CMSS1: variants seen among roughly 807,000 people sequenced by gnomAD.
The protein encoded by CMSS1 is protein CMSS1.
A neutral mutation model predicts 43.5 loss-of-function variants in CMSS1; 33 were observed. That is an observed-to-expected ratio of 0.76 (90% confidence interval 0.57 to 1.01). The LOEUF is 1.01. Ranked by LOEUF, CMSS1 falls within the 50% of genes least tolerant of loss-of-function variation. The pLI, the probability that CMSS1 is intolerant of heterozygous loss-of-function variation, is 0.00. For synonymous variants in CMSS1, 115 were observed against 117.2 expected, an observed-to-expected ratio of 0.98 and a Z score of 0.12; for missense variants, 313 against 326.4, an observed-to-expected ratio of 0.96 and a Z score of 0.32.
At chr3:100,032,833 T>A (rs1016932271) in intron 1 of CMSS1, among the ~76,000 whole-genome samples, 1 of 152,134 alleles carries the variant, frequency 6.6e-6, no homozygotes, top group Non-Finnish European at 1.5e-5. Context: ...AATGATAACA[T>A]AATTAACTAT....
At chr3:100,055,932 G>C (rs2065457008) in intron 1 of CMSS1, among the ~76,000 whole-genome samples, 1 of 152,164 alleles carries the variant, frequency 6.6e-6, no homozygotes, top group Non-Finnish European at 1.5e-5. Flanking sequence ...TTTTCTGATA[G>C]GATAGATTGT....
At chr3:100,061,072 G>T (rs1346629149) in intron 1 of CMSS1, among the ~76,000 whole-genome samples, 1 of 151,902 alleles carries the variant, frequency 6.6e-6, no homozygotes, top group African/African-American at 2.4e-5. Flanking sequence ...CTCTTAAGTG[G>T]CCAATAGATG....
chr3:99,851,686 A>C (rs775592356), intron 1 of CMSS1, among the ~76,000 whole-genome samples: 29 of 152,214 alleles, frequency 1.9e-4, no homozygotes, highest in Admixed American at 5.2e-4. Context: ...AAAGTGTTCA[A>C]TTAATGTTTG....
intron 1 of CMSS1, among the ~76,000 whole-genome samples, chr3:99,843,422 C>G (rs910729676): frequency 2.0e-5 from 3 of 152,152 alleles, no homozygotes; most frequent in Non-Finnish European, 2.9e-5. Context: ...TTCTGTTTGT[C>G]ATGCCAGCCA....
intron 1 of CMSS1, chr3:99,876,333 C>T (rs924852348): frequency 4.2e-6 from 2 of 475,412 alleles, no homozygotes; most frequent in African/African-American, 4.2e-5. Context: ...CGCGGATGTT[C>T]CGGCCGTGTG....
intron 1 of CMSS1, among the ~76,000 whole-genome samples, chr3:100,073,194 T>C (rs114789663): frequency 0.012 from 1,832 of 152,288 alleles, 24 homozygotes; most frequent in African/African-American, 0.027. Context: ...CAAATCTGGT[T>C]TGCCACCTGT....
At chr3:99,879,216 C>T (rs1705638871) in intron 1 of CMSS1, among the ~76,000 whole-genome samples, 2 of 152,098 alleles carry the variant, frequency 1.3e-5, no homozygotes, top group African/African-American at 2.4e-5. Flanking sequence ...AAGTTCATTG[C>T]TTTCTAATGC....
chr3:99,971,339 A>AC (rs989122242), intron 1 of CMSS1, among the ~76,000 whole-genome samples: 27 of 151,878 alleles, frequency 1.8e-4, no homozygotes, highest in African/African-American at 6.3e-4. Context: ...ATCTCAAAAA[A>AC]AAAAAAAAAA....
intron 1 of CMSS1, among the ~76,000 whole-genome samples, chr3:100,052,302 C>T (rs1362885499): frequency 3.9e-5 from 6 of 152,202 alleles, no homozygotes; most frequent in Admixed American, 2.0e-4. Context: ...AAAACTAATG[C>T]AGAGCAATAA....
At chr3:100,120,630 T>G (rs2066611336) in intron 1 of CMSS1, among the ~76,000 whole-genome samples, 1 of 151,400 alleles carries the variant, frequency 6.6e-6, no homozygotes, top group South Asian at 2.1e-4. Flanking sequence ...CGTTGTCCTG[T>G]CTCTGTCGCT....
chr3:99,989,397 C>T (rs1442725719), intron 1 of CMSS1, among the ~76,000 whole-genome samples: 2 of 152,220 alleles, frequency 1.3e-5, no homozygotes, highest in East Asian at 3.9e-4. Context: ...CTATCACTTC[C>T]CATTCTAGTA....
At chr3:100,141,262 T>A (rs2066802264) in intron 1 of CMSS1, among the ~76,000 whole-genome samples, 1 of 152,208 alleles carries the variant, frequency 6.6e-6, no homozygotes, top group Non-Finnish European at 1.5e-5. Context: ...CTAGAACAGC[T>A]AGCAATCATT....
intron 1 of CMSS1, chr3:100,040,460 T>G (rs911295390): frequency 1.3e-5 from 2 of 152,190 alleles, no homozygotes; most frequent in Non-Finnish European, 2.9e-5. Context: ...AGAAACAGTT[T>G]AGGTAGCATC....
chr3:100,180,042 C>G lies in CMSS1; in HGVS notation c.*1654C>G, dbSNP rs7619080. On this transcript the variant is annotated 3_prime_UTR_variant, in exon 10 of 10. Coordinates refer to ENST00000421999, the MANE Select transcript of CMSS1 (RefSeq NM_032359.4). The stretch of plus-strand genomic sequence containing the variant: ...CTCTGAAGCAATGGTTCAGCTGTAC[C>G]TTGGCCCCTTTTAGTCACAGCTGGA... 34,436 of 152,402 alleles carry G rather than the reference C, an allele frequency of 0.23. 4,059 individuals carry two copies. The highest frequency in any genetic ancestry group is 0.31 in the East Asian group (1,628 of 5,176). The allele number at this position is 152,402 out of a possible 1,614,324, so 9.4% of individuals were successfully genotyped here. A position where few individuals can be genotyped will look rare whatever the true frequency, so the allele number is the denominator to read the frequency against.
At chr3:99,909,463 G>A (rs1706722974) in intron 1 of CMSS1, among the ~76,000 whole-genome samples, 1 of 152,124 alleles carries the variant, frequency 6.6e-6, no homozygotes, top group Non-Finnish European at 1.5e-5. Context: ...GCCACCCCTT[G>A]TACAATAGTT....
intron 1 of CMSS1, among the ~76,000 whole-genome samples, chr3:99,976,066 G>A (rs1247453639): frequency 2.0e-5 from 3 of 151,986 alleles, no homozygotes; most frequent in Non-Finnish European, 4.4e-5. Context: ...TGTATTTTTA[G>A]TAGAGACGAG....
At chr3:99,983,470 A>ATATATATATATGTGTGTGTG (rs1709222618) in intron 1 of CMSS1, among the ~76,000 whole-genome samples, 1 of 9,864 alleles carries the variant, frequency 1.0e-4, no homozygotes, top group African/African-American at 3.4e-4. Flanking sequence ...GTGTGTATAT[A>ATATATATATATGTGTGTGTG]TATATATATA....
intron 1 of CMSS1, chr3:99,930,720 A>G (rs1707449872): frequency 6.3e-7 from 1 of 1,596,734 alleles, no homozygotes; most frequent in African/African-American, 1.3e-5. Flanking sequence ...CAAATTCACA[A>G]GCAGCCTTCT....
At chr3:100,135,448 G>A (rs2066744965) in intron 1 of CMSS1, among the ~76,000 whole-genome samples, 2 of 125,182 alleles carry the variant, frequency 1.6e-5, no homozygotes, top group East Asian at 3.2e-4. Flanking sequence ...ATGTGTGTGT[G>A]TGTGTGTGTG....
Sources: gnomAD v4.1 joint callset for allele counts (sites outside exome capture counted in the v4.1 genomes callset) on GRCh38, gnomAD v4.1.1 for gene constraint, MANE v1.5 for transcripts, NCBI Gene and HGNC (gene_info 2026-07-23, HGNC 2026-07-21) for gene names.